Variants in UMAD1 observed in about 807,000 individuals in gnomAD.
UMAD1 encodes the protein UBAP1-MVB12-associated (UMA) domain containing 1, also known as UBAP1-MVB12-associated (UMA)-domain containing protein 1.
Under a neutral mutation model 6.1 loss-of-function variants are expected in UMAD1, and 8 were observed. The observed-to-expected ratio is 1.30, with a 90% CI of 0.76 to 2.35. The LOEUF is 2.35. UMAD1 is among the 30% of genes most tolerant of loss of function. The probability of loss-of-function intolerance (pLI) is 0.00; values close to 1 mark genes in which losing one functional copy is unlikely to be tolerated. For missense variants in UMAD1, 130 were observed against 78.4 expected (o/e 1.66, Z -2.49); for synonymous variants, 56 against 31.4 (o/e 1.78, Z -2.61).
At chr7:7,748,186 C>T (rs995429528) in intron 2 of UMAD1, among the ~76,000 whole-genome samples, 4 of 151,360 alleles carry the variant, frequency 2.6e-5, no homozygotes, top group Non-Finnish European at 5.9e-5. Flanking sequence ...CATCATGATC[C>T]GCCCGCCTCG....
chr7:7,709,123 C>T (rs1264143411), intron 2 of UMAD1, among the ~76,000 whole-genome samples: 1 of 152,092 alleles, frequency 6.6e-6, no homozygotes, highest in African/African-American at 2.4e-5. Flanking sequence ...CAAAATTCGG[C>T]ATGGTTAAGG....
chr7:7,846,922 G>C (rs1445580866), intron 3 of UMAD1, among the ~76,000 whole-genome samples: 1 of 113,344 alleles, frequency 8.8e-6, no homozygotes, highest in African/African-American at 3.7e-5. Context: ...CGGGGGAGGG[G>C]GTAGGGATAG....
At chr7:7,795,238 T>G in intron 2 of UMAD1, among the ~76,000 whole-genome samples, 1 of 152,236 alleles carries the variant, frequency 6.6e-6, no homozygotes, top group Non-Finnish European at 1.5e-5. Flanking sequence ...GACACACACA[T>G]TGGATCCGAA....
intron 2 of UMAD1, among the ~76,000 whole-genome samples, chr7:7,724,803 A>G (rs1258370622): frequency 6.6e-6 from 1 of 152,198 alleles, no homozygotes; most frequent in Non-Finnish European, 1.5e-5. Context: ...CCTTTTCTCC[A>G]TTCCTGTCCA....
At chr7:7,825,410 GT>G (rs1783320144) in intron 3 of UMAD1, among the ~76,000 whole-genome samples, 1 of 152,114 alleles carries the variant, frequency 6.6e-6, no homozygotes, top group Admixed American at 6.6e-5. Flanking sequence ...AAAGAAAGAG[GT>G]TTTAGGACTT....
intron 2 of UMAD1, among the ~76,000 whole-genome samples, chr7:7,793,566 C>A (rs1406564205): frequency 6.6e-6 from 1 of 152,160 alleles, no homozygotes; most frequent in African/African-American, 2.4e-5. Context: ...CCTGTGTCTT[C>A]AAGGTGCCTG....
At chr7:7,656,257 A>T (rs1191127422) in intron 1 of UMAD1, among the ~76,000 whole-genome samples, 2 of 152,216 alleles carry the variant, frequency 1.3e-5, no homozygotes, top group Non-Finnish European at 2.9e-5. Context: ...AAGGAGAAAA[A>T]AGAACAATGT....
chr7:7,782,598 A>G (rs1201958681), intron 2 of UMAD1, among the ~76,000 whole-genome samples: 2 of 152,072 alleles, frequency 1.3e-5, no homozygotes, highest in Non-Finnish European at 2.9e-5. Flanking sequence ...AATCCTAAAG[A>G]TAGTTTTAAG....
chr7:7,798,075 A>G (rs1186049900), intron 2 of UMAD1, among the ~76,000 whole-genome samples: 1 of 152,212 alleles, frequency 6.6e-6, no homozygotes, highest in Non-Finnish European at 1.5e-5. Context: ...TTGTTTTTGT[A>G]AACAAAATTT....
intron 2 of UMAD1, among the ~76,000 whole-genome samples, chr7:7,694,318 C>T (rs1780253718): frequency 6.6e-6 from 1 of 151,982 alleles, no homozygotes; most frequent in South Asian, 2.1e-4. Context: ...ATATAATAAT[C>T]ACATCAGGGT....
At chr7:7,699,764 A>G (rs965534887) in intron 2 of UMAD1, among the ~76,000 whole-genome samples, 1 of 152,250 alleles carries the variant, frequency 6.6e-6, no homozygotes, top group Non-Finnish European at 1.5e-5. Flanking sequence ...TAGTGCTCAT[A>G]TAATGCCTTA....
At chr7:7,753,734 A>G (rs1191438649) in intron 2 of UMAD1, among the ~76,000 whole-genome samples, 2 of 152,192 alleles carry the variant, frequency 1.3e-5, no homozygotes, top group South Asian at 2.1e-4. Context: ...TGTAACAAAC[A>G]TGGGAGTGCA....
At chr7:7,722,631 A>C (rs1781072545) in intron 2 of UMAD1, among the ~76,000 whole-genome samples, 1 of 152,178 alleles carries the variant, frequency 6.6e-6, no homozygotes, top group South Asian at 2.1e-4. Flanking sequence ...CTGGCTACAG[A>C]AGCATATACT....
chr7:7,662,758 C>T (rs545237703), intron 1 of UMAD1, among the ~76,000 whole-genome samples: 2 of 152,234 alleles, frequency 1.3e-5, no homozygotes, highest in East Asian at 1.9e-4. Flanking sequence ...TGTTGCTATT[C>T]GGCCATCTTG....
chr7:7,761,736 T>G lies in UMAD1; in HGVS notation c.83-39934T>G, dbSNP rs1177379621. Among the ~76,000 whole-genome samples, 9 of 152,222 alleles carry G rather than the reference T, an allele frequency of 5.9e-5. No individual in the cohort carries two copies. The East Asian group carries it at 1.7e-3, about 29-fold the overall frequency. On this transcript the variant is annotated intron_variant, in intron 2 of 3. Transcript: ENST00000682710. Reference sequence around the variant, plus strand: ...CATCTTATTATTTATTGATCCCAATTGTTTGCATTTACTTAGTAAGAATTT... The same window carrying G: ...CATCTTATTATTTATTGATCCCAATGGTTTGCATTTACTTAGTAAGAATTT...
chr7:7,772,334 T>C (rs1782117902), intron 2 of UMAD1: 1 of 152,258 alleles, frequency 6.6e-6, no homozygotes. Context: ...AACTAACTAA[T>C]GCCTCTCCAC....
intron 2 of UMAD1, among the ~76,000 whole-genome samples, chr7:7,700,485 G>T (rs1780432092): frequency 6.6e-6 from 1 of 152,178 alleles, no homozygotes; most frequent in African/African-American, 2.4e-5. Context: ...CAGTTTGTGG[G>T]AGGCCAATGT....
At chr7:7,724,859 C>G (rs1382887717) in intron 2 of UMAD1, among the ~76,000 whole-genome samples, 1 of 152,218 alleles carries the variant, frequency 6.6e-6, no homozygotes, top group East Asian at 1.9e-4. Context: ...TGTTCTACCT[C>G]AGGGGTATAT....
intron 3 of UMAD1, among the ~76,000 whole-genome samples, chr7:7,857,015 A>T (rs1336001541): frequency 6.6e-6 from 1 of 152,154 alleles, no homozygotes. Context: ...ATTTTCAATA[A>T]TTTTTCAAGC....
Sources: allele counts gnomAD v4.1 joint callset (sites outside exome capture counted in the v4.1 genomes callset), GRCh38; gene constraint gnomAD v4.1.1; transcripts MANE v1.5; gene names NCBI Gene and HGNC (gene_info 2026-07-23, HGNC 2026-07-21).